ELMO1: variants seen among roughly 807,000 people sequenced by gnomAD.
ELMO1 encodes engulfment and cell motility 1, also known as engulfment and cell motility protein 1.
In ELMO1, 26 loss-of-function variants were observed where a neutral mutation model predicts 98.9. The observed-to-expected ratio is 0.26, with a 90% CI of 0.19 to 0.36. The LOEUF is 0.36. ELMO1 is among the 10% of genes least tolerant of loss of function. ELMO1 has a pLI of 1.00. For synonymous variants in ELMO1, 346 were observed against 346.0 expected (o/e 1.00, Z 0.00); for missense variants, 627 against 935.2 (o/e 0.67, Z 4.30).
intron 1 of ELMO1, among the ~76,000 whole-genome samples, chr7:37,406,482 T>A (rs1183522679): frequency 6.6e-6 from 1 of 151,884 alleles, no homozygotes; most frequent in Non-Finnish European, 1.5e-5. Flanking sequence ...CAGGCTAGAG[T>A]GCAGTGGCGC....
intron 14 of ELMO1, among the ~76,000 whole-genome samples, chr7:37,108,302 G>T (rs1240750284): frequency 6.6e-6 from 1 of 152,050 alleles, no homozygotes; most frequent in Non-Finnish European, 1.5e-5. Flanking sequence ...CTCCCTCCTA[G>T]GGAAACTGCC....
chr7:37,243,865 A>T (rs1436307965), intron 7 of ELMO1, among the ~76,000 whole-genome samples: 1 of 152,194 alleles, frequency 6.6e-6, no homozygotes, highest in Non-Finnish European at 1.5e-5. Flanking sequence ...ACAATCATAC[A>T]ATTCACTTCA....
At chr7:37,074,116 T>C (rs1797429587) in intron 15 of ELMO1, among the ~76,000 whole-genome samples, 1 of 148,188 alleles carries the variant, frequency 6.7e-6, no homozygotes, top group Non-Finnish European at 1.5e-5. Context: ...TATATTTAAG[T>C]ATATAAATAT....
intron 13 of ELMO1, among the ~76,000 whole-genome samples, chr7:37,205,105 A>T (rs1279890881): frequency 6.6e-6 from 1 of 152,194 alleles, no homozygotes; most frequent in African/African-American, 2.4e-5. Flanking sequence ...ACCATTTAAG[A>T]GCAGACTTTC....
intron 15 of ELMO1, 53 bp from the exon 16 acceptor site, chr7:37,013,488 G>A (rs1793705838): frequency 9.4e-6 from 15 of 1,597,430 alleles, no homozygotes; most frequent in East Asian, 6.8e-5. Context: ...AGTGAAACAC[G>A]AGAACATAAC....
At chr7:37,404,586 C>T (rs774765363) in intron 1 of ELMO1, among the ~76,000 whole-genome samples, 1 of 152,176 alleles carries the variant, frequency 6.6e-6, no homozygotes, top group Non-Finnish European at 1.5e-5. Flanking sequence ...AATAAAGGTT[C>T]TCCTATAACC....
intron 6 of ELMO1, among the ~76,000 whole-genome samples, chr7:37,256,083 T>C (rs183023742): frequency 8.6e-4 from 131 of 152,280 alleles, no homozygotes; most frequent in Non-Finnish European, 1.7e-3. Flanking sequence ...CTGTATCCAT[T>C]CCTTTGTCAA....
Position 37,430,751 on chromosome 7 carries a change from G to A in ELMO1, c.-74+17924C>T, listed in dbSNP as rs139302392. 1.5e-3 allele frequency among the ~76,000 whole-genome samples: 232 copies of A among 152,294 alleles called. 2 individuals carry two copies. The highest frequency in any genetic ancestry group is 5.2e-3 in the African/African-American group (216 of 41,558). ...AGGCCAAAGAATTCTGCTGTTTGTTGATTACATTTTTTCATTTTATCTTGA... is the reference window on the plus strand; with the variant it reads ...AGGCCAAAGAATTCTGCTGTTTGTTAATTACATTTTTTCATTTTATCTTGA... On this transcript the variant is annotated intron_variant, in intron 1 of 21. Transcript: ENST00000310758.
chr7:36,979,667 T>C (rs570876640), intron 16 of ELMO1, among the ~76,000 whole-genome samples: 20 of 152,348 alleles, frequency 1.3e-4, no homozygotes, highest in African/African-American at 4.6e-4. Flanking sequence ...CCAATGTTGG[T>C]GGTTTTCAAA....
chr7:37,334,278 T>A (rs1410000913), intron 2 of ELMO1, among the ~76,000 whole-genome samples: 1 of 152,080 alleles, frequency 6.6e-6, no homozygotes, highest in East Asian at 1.9e-4. Context: ...AAACCCTGTC[T>A]CTACTAAAAA....
At chr7:37,330,721 A>G (rs929539680) in intron 2 of ELMO1, among the ~76,000 whole-genome samples, 4 of 152,228 alleles carry the variant, frequency 2.6e-5, no homozygotes, top group African/African-American at 9.7e-5. Flanking sequence ...TTTCACAGAA[A>G]GAAGATTCAT....
intron 1 of ELMO1, among the ~76,000 whole-genome samples, chr7:37,386,128 G>C (rs140055000): frequency 9.4e-4 from 143 of 152,336 alleles, no homozygotes; most frequent in Non-Finnish European, 1.7e-3. Flanking sequence ...GCCCAGCCCT[G>C]GAGCTGGTTC....
intron 15 of ELMO1, among the ~76,000 whole-genome samples, chr7:37,074,404 A>G (rs1294041480): frequency 6.6e-6 from 1 of 152,198 alleles, no homozygotes; most frequent in Non-Finnish European, 1.5e-5. Flanking sequence ...ATATAAACAA[A>G]TAAGAAATAA....
intron 16 of ELMO1, among the ~76,000 whole-genome samples, chr7:36,947,385 C>A (rs1787584971): frequency 6.6e-6 from 1 of 152,154 alleles, no homozygotes; most frequent in South Asian, 2.1e-4. Context: ...ATTGCAGGTA[C>A]TATTGCCCAC....
chr7:37,289,998 G>A (rs1797593117), intron 4 of ELMO1, among the ~76,000 whole-genome samples: 1 of 152,166 alleles, frequency 6.6e-6, no homozygotes, highest in Non-Finnish European at 1.5e-5. Context: ...ATGCAACATA[G>A]GCCTAAGCAT....
chr7:37,338,191 A>G (rs1479209639), intron 2 of ELMO1, among the ~76,000 whole-genome samples: 1 of 152,180 alleles, frequency 6.6e-6, no homozygotes, highest in Non-Finnish European at 1.5e-5. Context: ...AATCTTCACA[A>G]GGACCATCAA....
At chr7:37,047,145 C>T (rs910812898) in intron 15 of ELMO1, among the ~76,000 whole-genome samples, 1 of 152,220 alleles carries the variant, frequency 6.6e-6, no homozygotes, top group African/African-American at 2.4e-5. Context: ...AGGCATAGAG[C>T]TATGGCTGGC....
At chr7:37,284,185 C>G (rs905702771) in intron 4 of ELMO1, among the ~76,000 whole-genome samples, 1 of 152,122 alleles carries the variant, frequency 6.6e-6, no homozygotes, top group African/African-American at 2.4e-5. Flanking sequence ...TTACTTCCCA[C>G]GTGACCCTGG....
chr7:37,413,092 A>G (rs2131503400), intron 1 of ELMO1, among the ~76,000 whole-genome samples: 1 of 152,326 alleles, frequency 6.6e-6, no homozygotes, highest in South Asian at 2.1e-4. Context: ...TTGTTAAACA[A>G]TAATAAGTCA....
Sources: gnomAD v4.1 joint callset for allele counts (sites outside exome capture counted in the v4.1 genomes callset) on GRCh38, gnomAD v4.1.1 for gene constraint, MANE v1.5 for transcripts, NCBI Gene and HGNC (gene_info 2026-07-23, HGNC 2026-07-21) for gene names.